The following PDILT variants were observed in gnomAD, a reference collection of about 807,000 sequenced individuals.
PDILT encodes the protein protein disulfide isomerase like, testis expressed, also known as protein disulfide-isomerase-like protein of the testis.
A neutral mutation model predicts 53.7 loss-of-function variants in PDILT; 43 were observed. That is an observed-to-expected ratio of 0.80 (90% CI 0.63 to 1.03). The LOEUF is 1.03. PDILT is among the 50% of genes least tolerant of loss of function. PDILT has a pLI of 0.00. For synonymous variants in PDILT, 282 were observed against 274.2 expected, an observed-to-expected ratio of 1.03 and a Z score of -0.28; for missense variants, 727 against 712.3, an observed-to-expected ratio of 1.02 and a Z score of -0.24.
chr16:20,403,507 C>T (rs1377495659), intron 1 of PDILT, among the ~76,000 whole-genome samples: 1 of 152,134 alleles, frequency 6.6e-6, no homozygotes, highest in Non-Finnish European at 1.5e-5. Context: ...CCAGGCTGGT[C>T]TCAAACTCCT....
At chr16:20,360,103 T>C (rs934005471) in intron 11 of PDILT, among the ~76,000 whole-genome samples, 12 of 152,238 alleles carry the variant, frequency 7.9e-5, no homozygotes, top group African/African-American at 2.9e-4. Context: ...ACCAGTTATA[T>C]GGGATAAATT....
chr16:20,369,967 A>T (rs967606412), intron 7 of PDILT, among the ~76,000 whole-genome samples: 3 of 152,166 alleles, frequency 2.0e-5, no homozygotes, highest in Non-Finnish European at 4.4e-5. Context: ...CAGTTTCCTG[A>T]TCTGTAAAAT....
chr16:20,386,396 T>C (rs1463335397), intron 2 of PDILT, among the ~76,000 whole-genome samples: 1 of 152,146 alleles, frequency 6.6e-6, no homozygotes, highest in East Asian at 1.9e-4. Context: ...ACATTTTATC[T>C]TTTTCACTGC....
At chr16:20,369,021 T>C (rs1966261157) in intron 8 of PDILT, among the ~76,000 whole-genome samples, 1 of 152,202 alleles carries the variant, frequency 6.6e-6, no homozygotes, top group Non-Finnish European at 1.5e-5. Context: ...CTCTCCTTCC[T>C]GTCAGCGAAA....
chr16:20,399,122 G>T lies in PDILT; in HGVS notation c.179C>A (p.Thr60Asn), dbSNP rs1200321723. 2 of 1,614,198 alleles carry T rather than the reference G, an allele frequency of 1.2e-6. No homozygotes were observed. Among genetic ancestry groups the T allele is most frequent in the African/African-American group, 1.3e-5 (1 of 75,062 alleles). The change falls in exon 2 of 12, where the codon ACC becomes AAC. Residue 60 changes from threonine (T) to asparagine (N), a missense_variant. Thr to Asn is a moderately conservative substitution (Grantham distance 65). Transcript: ENST00000302451. ...PAGLTQMLNQ[T>N]RFLMVLFHNP... Reference sequence around the variant, plus strand: ...ACGGAAAAGCACCATGAGGAAGCGGGTCTGGTTCAGCATCTGGGTCAGGCC... The same window carrying T: ...ACGGAAAAGCACCATGAGGAAGCGGTTCTGGTTCAGCATCTGGGTCAGGCC...
chr16:20,367,075 CTTTCTTTCTTTCTTTCTTTCTTTCT>C lies in PDILT; in HGVS notation c.1117-1560_1117-1536del, dbSNP rs1358256184. 1.6e-3 allele frequency among the ~76,000 whole-genome samples: 193 copies of C among 121,782 alleles called. 4 individuals carry two copies. The highest frequency in any genetic ancestry group is 6.2e-3 in the African/African-American group (189 of 30,654). The allele number at this position is 121,782 out of a possible 152,430, so 79.9% of individuals were successfully genotyped here. A position where few individuals can be genotyped will look rare whatever the true frequency, so the allele number is the denominator to read the frequency against. On this transcript the variant is annotated intron_variant, in intron 8 of 11. Coordinates refer to ENST00000302451, the MANE Select transcript of PDILT (RefSeq NM_174924.2). ...TCTTTCTTTCTTTCTTTCTTTCTTT[CTTTCTTTCTTTCTTTCTTTCTTTCT>C]TTCTTCCTTTCTTTCCTTTTGAGAC...
At position 20,373,095 on chromosome 16, in the gene PDILT, T is replaced by G. The variant is rs776246113; in HGVS notation, c.709A>C (p.Ile237Leu). The change falls in exon 6 of 12, where the codon ATT (isoleucine) becomes CTT (leucine). Residue 237 changes from isoleucine to leucine, a missense_variant. Coordinates refer to ENST00000302451, the MANE Select transcript of PDILT (RefSeq NM_174924.2). ...TCCTGTTTGTTGGTACTGTCATTAA[T>G]AAGCTTTTGGCGGTTCACAATTTTT... ...KGKIVNRQKL[I>L]NDSTNKQELN... 2 of 1,614,128 alleles carry G rather than the reference T, an allele frequency of 1.2e-6. No homozygotes were observed. The highest frequency in any genetic ancestry group is 1.7e-6 in the Non-Finnish European group (2 of 1,179,964).
chr16:20,369,607 G>A lies in PDILT; in HGVS notation c.1001C>T (p.Pro334Leu). The change falls in exon 8 of 12, where the codon CCA becomes CTA. Residue 334 changes from proline to leucine, a missense_variant. Transcript: ENST00000302451. ...GCTCAAGTTTAGGATTTGGACGGAT[G>A]GGATATCGACCTCTGTGACCCGGAA... Reference protein sequence around the residue: ...KYFRVTEVDIPSVQILNLSSD... With the variant: ...KYFRVTEVDILSVQILNLSSD... 1 of 1,614,178 alleles carries A rather than the reference G, an allele frequency of 6.2e-7. No homozygotes were observed.
At chr16:20,381,686 C>T (rs1254668955) in intron 3 of PDILT, among the ~76,000 whole-genome samples, 6 of 151,142 alleles carry the variant, frequency 4.0e-5, no homozygotes, top group South Asian at 2.1e-4. Context: ...GTAAAAGGCT[C>T]GTTGAAGTTC....
chr16:20,367,673 A>G (rs2141706884), intron 8 of PDILT, among the ~76,000 whole-genome samples: 1 of 152,306 alleles, frequency 6.6e-6, no homozygotes, highest in South Asian at 2.1e-4. Context: ...CAATGTGAGG[A>G]CATCTATTTT....
In PDILT at chr16:20,399,221, C is replaced by G; in HGVS notation, c.80G>C (p.Gly27Ala). 12 of 1,614,146 alleles carry G rather than the reference C, an allele frequency of 7.4e-6. No individual in the cohort carries two copies. The highest frequency in any genetic ancestry group is 1.0e-5 in the Non-Finnish European group (12 of 1,179,990). Reference protein sequence around the residue: ...AVHSSPEVNAGVSSIHITKPV... With the variant: ...AVHSSPEVNAAVSSIHITKPV... ...CTTGGTTATGTGGATGCTGGAAACA[C>G]CGGCGTTAACCTCTGGTGAGCTGTG... is the stretch of plus-strand genomic sequence containing the variant. Residue 27 changes from glycine to alanine, a missense_variant, in exon 2 of 12, where the codon GGT becomes GCT. Gly to Ala is a moderately conservative substitution (Grantham distance 60). Transcript: ENST00000302451.
intron 8 of PDILT, among the ~76,000 whole-genome samples, chr16:20,367,375 C>G (rs891700756): frequency 6.6e-6 from 1 of 152,136 alleles, no homozygotes; most frequent in Admixed American, 6.5e-5. Context: ...CCTCACCACA[C>G]CCGCTCTAGC....
At chr16:20,385,100 C>T (rs1159160890) in intron 2 of PDILT, among the ~76,000 whole-genome samples, 1 of 152,204 alleles carries the variant, frequency 6.6e-6, no homozygotes, top group Non-Finnish European at 1.5e-5. Context: ...AACTTTACTC[C>T]ATCTCTCTGA....
rs74413239 is a variant in PDILT at position 20,392,984 on chromosome 16, T to G, written c.202+6115A>C. On this transcript the variant is annotated intron_variant, in intron 2 of 11. Transcript: ENST00000302451. ...TTTTTGGAAGGGGAATGTGTTGAGG[T>G]GTGTTATGTGTTTGTGTAAATGTAT... is the stretch of plus-strand genomic sequence containing the variant. 7.8e-3 allele frequency among the ~76,000 whole-genome samples: 1,182 copies of G among 152,250 alleles called. 16 individuals are homozygous for G. Among genetic ancestry groups the G allele is most frequent in the African/African-American group, 0.027 (1,138 of 41,550 alleles).
intron 2 of PDILT, among the ~76,000 whole-genome samples, chr16:20,397,729 G>A (rs549240214): frequency 8.5e-5 from 13 of 152,286 alleles, no homozygotes; most frequent in African/African-American, 2.4e-4. Flanking sequence ...TGTGGGTGGA[G>A]GGGCAGCTTG....
intron 8 of PDILT, among the ~76,000 whole-genome samples, chr16:20,365,796 A>T (rs962899602): frequency 5.3e-5 from 8 of 152,074 alleles, no homozygotes; most frequent in African/African-American, 1.9e-4. Flanking sequence ...TAAAAAGAAG[A>T]TTTAAGCCGG....
At chr16:20,373,636 C>G (rs1420409270) in intron 5 of PDILT, among the ~76,000 whole-genome samples, 1 of 152,238 alleles carries the variant, frequency 6.6e-6, no homozygotes, top group Non-Finnish European at 1.5e-5. Flanking sequence ...TGTAACTAGA[C>G]TGTCATAGCC....
chr16:20,390,586 T>A (rs1406786007), intron 2 of PDILT: 1 of 152,230 alleles, frequency 6.6e-6, no homozygotes, highest in Non-Finnish European at 1.5e-5. Context: ...TTACTTATTT[T>A]TCTTTTGTCT....
rs1252210326 is a variant in PDILT, at chr16:20,369,496, G to A, written c.1112C>T (p.Ala371Val). The stretch of plus-strand genomic sequence containing the variant: ...CTTGTCCAAGAAAAAACCTACTGTG[G>A]CATTTTTACTCAGGAAGCTGCGGCC... ...KFGRSFLSKN[A>V]TKHQSSEEIP... Residue 371 changes from alanine (A) to valine (V), a missense_variant, in exon 8 of 12, where the codon GCC (alanine) becomes GTC (valine). By Grantham distance (64) the Ala-to-Val change is moderately conservative. Transcript: ENST00000302451. 1.2e-6 allele frequency: 2 copies of A among 1,613,608 alleles called. No homozygotes were observed. Among genetic ancestry groups the A allele is most frequent in the Non-Finnish European group, 1.7e-6 (2 of 1,179,488 alleles).
Sources: allele counts gnomAD v4.1 joint callset (sites outside exome capture counted in the v4.1 genomes callset), GRCh38; gene constraint gnomAD v4.1.1; transcripts MANE v1.5; gene names NCBI Gene and HGNC (gene_info 2026-07-23, HGNC 2026-07-21).